The following BRPF3 variants were observed in gnomAD, a reference collection of about 807,000 sequenced individuals.
BRPF3 encodes bromodomain and PHD finger containing 3, also known as bromodomain and PHD finger-containing protein 3.
In BRPF3, 18 loss-of-function variants were observed where a neutral mutation model predicts 102.0. The observed-to-expected ratio is 0.18, with a 90% CI of 0.12 to 0.26. BRPF3 has a LOEUF of 0.26. BRPF3 is among the 10% of genes least tolerant of loss of function. The pLI is 1.00. For missense variants in BRPF3, 1,147 were observed against 1,567.8 expected, an observed-to-expected ratio of 0.73 and a Z score of 4.53; for synonymous variants, 570 against 614.2, an observed-to-expected ratio of 0.93 and a Z score of 1.06.
At chr6:36,208,908 G>C (rs1010887466) in intron 4 of BRPF3, among the ~76,000 whole-genome samples, 4 of 152,166 alleles carry the variant, frequency 2.6e-5, no homozygotes, top group African/African-American at 7.2e-5. Flanking sequence ...TGCCACTTGC[G>C]GGGGCAAGCC....
intron 10 of BRPF3, among the ~76,000 whole-genome samples, chr6:36,224,276 G>T (rs548186407): frequency 6.6e-6 from 1 of 152,312 alleles, no homozygotes; most frequent in East Asian, 1.9e-4. Context: ...CACCCTGTTA[G>T]ATTTGGACTT....
chr6:36,207,208 G>A, intron 3 of BRPF3, 105 bp from the exon 4 acceptor site: 2 of 1,459,964 alleles, frequency 1.4e-6, no homozygotes, highest in Non-Finnish European at 9.3e-7. Context: ...TGTGGGTCAA[G>A]GAAGGGGACA....
At chr6:36,199,681 A>G (rs533981495) in intron 1 of BRPF3, among the ~76,000 whole-genome samples, 3 of 152,174 alleles carry the variant, frequency 2.0e-5, no homozygotes, top group Admixed American at 2.0e-4. Flanking sequence ...TGTGTTTTCC[A>G]TAGTTAGCTG....
chr6:36,229,142 C>T (rs1172666449), intron 12 of BRPF3, 86 bp downstream of exon 12: 1 of 1,502,394 alleles, frequency 6.7e-7, no homozygotes, highest in Non-Finnish European at 9.0e-7. Context: ...TACAGAGGGG[C>T]CATGGATGTT....
chr6:36,229,031 C>T lies in BRPF3; in HGVS notation c.3409C>T (p.Leu1137Phe). Residue 1137 changes from leucine (L) to phenylalanine (F), a missense_variant, in exon 12 of 13, where the codon CTC (leucine) becomes TTC (phenylalanine). By Grantham distance (22) the Leu-to-Phe change is conservative. Coordinates refer to ENST00000357641, the MANE Select transcript of BRPF3 (RefSeq NM_015695.3). ...AEAGEKLFLV[L>F]FFDNKRTWQW... ...GGCTGGAGAGAAGCTCTTCCTTGTC[C>T]TCTTCTTTGACAACAAGCGCACCTG... The T allele has an allele frequency of 6.2e-7, 1 of 1,614,166 alleles. No individual in the cohort carries two copies. The highest frequency in any genetic ancestry group is 8.5e-7 in the Non-Finnish European group (1 of 1,180,030).
At chr6:36,212,498 C>G (rs1017890832) in intron 7 of BRPF3, among the ~76,000 whole-genome samples, 2 of 149,492 alleles carry the variant, frequency 1.3e-5, no homozygotes, top group African/African-American at 5.0e-5. Flanking sequence ...TGACAGTCAG[C>G]ATGCCATTTG....
chr6:36,229,617 C>T (rs1051146468), intron 12 of BRPF3, among the ~76,000 whole-genome samples: 18 of 152,132 alleles, frequency 1.2e-4, no homozygotes, highest in African/African-American at 2.4e-4. Flanking sequence ...GTGCAGTGTC[C>T]GCTACAGGAG....
chr6:36,220,796 TA>T (rs1768507909), intron 9 of BRPF3, among the ~76,000 whole-genome samples: 2 of 152,348 alleles, frequency 1.3e-5, no homozygotes, highest in African/African-American at 4.8e-5. Flanking sequence ...ACTACCAACC[TA>T]ACTACAGGTT....
intron 8 of BRPF3, among the ~76,000 whole-genome samples, chr6:36,214,674 C>T (rs1051133210): frequency 2.6e-5 from 4 of 152,144 alleles, no homozygotes; most frequent in Non-Finnish European, 4.4e-5. Context: ...CATTTCAGTT[C>T]ATTCATCAAA....
chr6:36,209,985 G>C (rs765276531), intron 5 of BRPF3, 70 bp downstream of exon 5: 2 of 1,587,474 alleles, frequency 1.3e-6, no homozygotes, highest in Non-Finnish European at 8.6e-7. Context: ...AGGCTAGGAA[G>C]GAGTTGGGCC....
chr6:36,225,474 T>G, intron 11 of BRPF3, 110 bp downstream of exon 11: 3 of 955,620 alleles, frequency 3.1e-6, no homozygotes, highest in Non-Finnish European at 4.6e-6. Flanking sequence ...TCTTTAGCTG[T>G]AGAGGGGAGG....
chr6:36,213,746 A>G, intron 7 of BRPF3, 134 bp from the exon 8 acceptor site: 1 of 913,956 alleles, frequency 1.1e-6, no homozygotes, highest in Admixed American at 2.3e-5. Flanking sequence ...TTTGCTTCAG[A>G]TCTAAGACCT....
At chr6:36,224,299 G>A (rs1768655238) in intron 10 of BRPF3, among the ~76,000 whole-genome samples, 1 of 152,186 alleles carries the variant, frequency 6.6e-6, no homozygotes. Context: ...TTCCTTGGTT[G>A]AGTGTGGTCA....
Position 36,214,233 on chromosome 6 carries a change from A to C in BRPF3, c.2836A>C (p.Arg946=). The C allele has an allele frequency of 6.2e-7, 1 of 1,614,232 alleles. No individual in the cohort carries two copies. Among genetic ancestry groups the C allele is most frequent in the African/African-American group, 1.3e-5 (1 of 75,060 alleles). The change falls in exon 8 of 13, where the codon AGG becomes CGG. Residue 946 remains arginine, a synonymous_variant. Transcript: ENST00000357641. ...NGVKLQRSPD[R]VLENGEDHGV... is the part of the protein sequence containing the mutation. Reference sequence around the variant, plus strand: ...GGTTAAGCTACAGAGAAGCCCAGACAGGGTCCTGGAGAATGGCGAGGACCA... The same window carrying C: ...GGTTAAGCTACAGAGAAGCCCAGACCGGGTCCTGGAGAATGGCGAGGACCA...
At position 36,231,767 on chromosome 6, in the gene BRPF3, C is replaced by G. The variant is rs962427927; in HGVS notation, c.*1158C>G. On this transcript the variant is annotated 3_prime_UTR_variant, in exon 13 of 13. Coordinates refer to ENST00000357641, the MANE Select transcript of BRPF3 (RefSeq NM_015695.3). ...AAACCCTCTGCCTCCTTCCTTCTTTCTCTTCAACCCCCTCCCCACCTTCAC... is the reference window on the plus strand; with the variant it reads ...AAACCCTCTGCCTCCTTCCTTCTTTGTCTTCAACCCCCTCCCCACCTTCAC... 3 of 152,472 alleles carry G rather than the reference C, an allele frequency of 2.0e-5. No homozygotes were observed. The highest frequency in any genetic ancestry group is 7.2e-5 in the African/African-American group (3 of 41,382). 9.4% of individuals were successfully genotyped at this position (152,472 alleles called of 1,614,324 possible).
chr6:36,202,514 G>A (rs1310806049), intron 2 of BRPF3, among the ~76,000 whole-genome samples: 2 of 150,928 alleles, frequency 1.3e-5, no homozygotes, highest in East Asian at 3.9e-4. Flanking sequence ...TGGGAGCTTG[G>A]CAGAGAAGCA....
At position 36,200,327 on chromosome 6, in the gene BRPF3, G is replaced by A. The variant is rs1031408587; in HGVS notation, c.5G>A (p.Arg2Lys). 1.9e-6 allele frequency: 3 copies of A among 1,612,688 alleles called. No homozygotes were observed. Among genetic ancestry groups the A allele is most frequent in the African/African-American group, 2.7e-5 (2 of 74,910 alleles). The change falls in exon 2 of 13, where the codon AGG (arginine) becomes AAG (lysine). Residue 2 changes from arginine to lysine, a missense_variant. By Grantham distance (26) the Arg-to-Lys change is conservative. Around this residue, in one of 11 missense-constraint regions of BRPF3, gnomAD observed 38 missense variants for 34.3 expected, o/e 1.11. Transcript: ENST00000357641. The surrounding 1 kb of genome is among the most constrained non-coding windows in gnomAD (Gnocchi z 5.3). MRKPRRKSRQNA... is the reference protein window; with the variant it reads MKKPRRKSRQNA... Reference sequence around the variant, plus strand: ...TCCCCTCAGTTCCCAGGTGCCATGAGGAAGCCTCGTCGGAAGTCCCGGCAG... The same window carrying A: ...TCCCCTCAGTTCCCAGGTGCCATGAAGAAGCCTCGTCGGAAGTCCCGGCAG...
At chr6:36,225,475 A>C in intron 11 of BRPF3, 111 bp downstream of exon 11, 4 of 960,270 alleles carry the variant, frequency 4.2e-6, no homozygotes, top group Non-Finnish European at 6.1e-6. Flanking sequence ...CTTTAGCTGT[A>C]GAGGGGAGGG....
chr6:36,198,607 T>TA (rs1767590517), intron 1 of BRPF3, among the ~76,000 whole-genome samples: 1 of 152,242 alleles, frequency 6.6e-6, no homozygotes, highest in Admixed American at 6.5e-5. Context: ...TGAGAAATAT[T>TA]AAAAGTAAGA....
Sources: gnomAD v4.1 joint callset for allele counts (sites outside exome capture counted in the v4.1 genomes callset) on GRCh38, gnomAD v4.1.1 for gene constraint, gnomAD v4.1.1 regional missense constraint, Gnocchi (gnomAD v3.1) non-coding constraint, MANE v1.5 for transcripts, NCBI Gene and HGNC (gene_info 2026-07-23, HGNC 2026-07-21) for gene names.